Variants in UNKL observed in about 807,000 individuals in gnomAD.
UNKL encodes putative E3 ubiquitin-protein ligase UNKL.
UNKL carries 60 observed loss-of-function variants against 78.0 expected under a neutral mutation model. The observed-to-expected ratio is 0.77, with a 90% confidence interval of 0.63 to 0.95. The LOEUF is 0.95. UNKL is among the 40% of genes least tolerant of loss of function. The pLI, the probability that UNKL is intolerant of heterozygous loss-of-function variation, is 0.00. For synonymous variants in UNKL, 608 were observed against 474.8 expected, an observed-to-expected ratio of 1.28 and a Z score of -3.65; for missense variants, 1,159 against 1,045.7, an observed-to-expected ratio of 1.11 and a Z score of -1.49.
chr16:1,367,122 C>T lies in UNKL; in HGVS notation c.2016G>A (p.Gln672=), dbSNP rs2035337224. Residue 672 remains glutamine, a synonymous_variant, in exon 14 of 15, where the codon CAG becomes CAA. Transcript: ENST00000389221. ...PLPKLHSLQS[Q]LRLDLEAVDG... ...CCACCGCCTCCAGGTCCAGGCGCAG[C>T]TGACTCTGCAGCGAGTGCAGCTTCG... 6.3e-7 allele frequency: 1 copy of T among 1,588,756 alleles called. No individual in the cohort carries two copies.
intron 2 of UNKL, among the ~76,000 whole-genome samples, chr16:1,409,788 A>G (rs2037952605): frequency 1.3e-5 from 2 of 152,116 alleles, no homozygotes; most frequent in Admixed American, 6.6e-5. Flanking sequence ...CTCCGCAACA[A>G]AAACTTATGA....
intron 2 of UNKL, among the ~76,000 whole-genome samples, chr16:1,410,561 C>G (rs544628740): frequency 1.3e-4 from 19 of 149,992 alleles, no homozygotes; most frequent in African/African-American, 4.7e-4. Flanking sequence ...GAGCCGAGAT[C>G]ACGCCACTGC....
At chr16:1,389,198 A>T (rs1288735621) in intron 9 of UNKL, among the ~76,000 whole-genome samples, 1 of 152,080 alleles carries the variant, frequency 6.6e-6, no homozygotes, top group Non-Finnish European at 1.5e-5. Context: ...TTTGTTATGG[A>T]CCAAACGTGT....
chr16:1,385,138 C>G, intron 10 of UNKL, 70 bp downstream of exon 10: 1 of 1,133,528 alleles, frequency 8.8e-7, no homozygotes, highest in Non-Finnish European at 1.1e-6. Flanking sequence ...AATAGAAGCG[C>G]TGTCCCTGAA....
At chr16:1,401,314 A>G in intron 4 of UNKL, 1 of 400,614 alleles carries the variant, frequency 2.5e-6, no homozygotes, top group Non-Finnish European at 4.3e-6. Flanking sequence ...CACTTGGTCA[A>G]TGGCTGGCCC....
intron 10 of UNKL, among the ~76,000 whole-genome samples, chr16:1,378,374 A>G (rs759269214): frequency 6.6e-5 from 10 of 152,236 alleles, no homozygotes; most frequent in Non-Finnish European, 1.0e-4. Context: ...TCCCAGGATC[A>G]GGATATGGCA....
intron 11 of UNKL, 25 bp downstream of exon 11, chr16:1,371,494 G>A (rs2035836234): frequency 1.3e-6 from 2 of 1,534,594 alleles, no homozygotes; most frequent in Non-Finnish European, 1.7e-6. Context: ...GGAGGAGCAG[G>A]GCCCCAGGTC....
intron 2 of UNKL, among the ~76,000 whole-genome samples, chr16:1,411,145 G>GT (rs1234521910): frequency 6.6e-6 from 1 of 152,078 alleles, no homozygotes; most frequent in African/African-American, 2.4e-5. Flanking sequence ...GGGTCCAGGA[G>GT]TTTGAGACTG....
At chr16:1,401,220 A>C (rs1264184472) in intron 4 of UNKL, 3 of 204,416 alleles carry the variant, frequency 1.5e-5, no homozygotes, top group African/African-American at 6.9e-5. Context: ...TCTGCTGAGC[A>C]TCCTGGTGGG....
intron 5 of UNKL, chr16:1,398,700 A>G: frequency 5.9e-6 from 2 of 339,544 alleles, no homozygotes; most frequent in Non-Finnish European, 6.9e-6. Flanking sequence ...CCCCCCTCTC[A>G]GGTGCAAACT....
At chr16:1,408,142 C>G (rs917825855) in intron 2 of UNKL, among the ~76,000 whole-genome samples, 1 of 152,176 alleles carries the variant, frequency 6.6e-6, no homozygotes, top group African/African-American at 2.4e-5. Flanking sequence ...CTGGAGAGGC[C>G]CGGGGTCCCG....
intron 10 of UNKL, among the ~76,000 whole-genome samples, chr16:1,374,460 T>C (rs1038331158): frequency 6.6e-5 from 10 of 152,020 alleles, no homozygotes; most frequent in Non-Finnish European, 1.5e-5. Context: ...GGACCGATGG[T>C]CCCTCCATGG....
intron 9 of UNKL, 133 bp downstream of exon 9, chr16:1,390,499 A>AGCG (rs2037002476): frequency 1.1e-6 from 1 of 906,246 alleles, no homozygotes; most frequent in African/African-American, 1.7e-5. Context: ...TGGCTTTGCG[A>AGCG]GCCGAGAGTG....
chr16:1,379,657 G>A, intron 10 of UNKL: 3 of 984,368 alleles, frequency 3.0e-6, no homozygotes, highest in Non-Finnish European at 3.6e-6. Context: ...GTCCGCGGCC[G>A]CCCCGCGCCG....
rs1306910219 is a variant in UNKL at position 1,363,699 on chromosome 16, A to G, written c.*2541T>C. The G allele has an allele frequency of 5.9e-6, 1 of 168,598 alleles. No individual in the cohort carries two copies. The highest frequency in any genetic ancestry group is 1.3e-5 in the Non-Finnish European group (1 of 77,486). 10.4% of individuals were successfully genotyped at this position (168,598 alleles called of 1,614,324 possible). ...CCACCTAGGAGCCATCCCTGAGGCC[A>G]TGGCCACCAAGACAGGTGAGGGAGG... On this transcript the variant is annotated 3_prime_UTR_variant, in exon 15 of 15. Coordinates refer to ENST00000389221, the MANE Select transcript of UNKL (RefSeq NM_001372107.1).
intron 2 of UNKL, chr16:1,412,239 G>C (rs557081525): frequency 6.6e-6 from 1 of 152,170 alleles, no homozygotes; most frequent in Non-Finnish European, 1.5e-5. Flanking sequence ...AAAGACATCT[G>C]TTCATAACAC....
At chr16:1,395,825 T>C (rs760767783) in intron 6 of UNKL, 10 of 446,754 alleles carry the variant, frequency 2.2e-5, no homozygotes, top group African/African-American at 6.0e-5. Context: ...GGTGACACCA[T>C]TGAGTGTGTG....
rs2035129746 is a variant in UNKL at position 1,365,032 on chromosome 16, C to T, written c.*1208G>A. 6.7e-6 allele frequency: 1 copy of T among 149,358 alleles called. No homozygotes were observed. The highest frequency in any genetic ancestry group is 2.5e-5 in the African/African-American group (1 of 40,126). 9.3% of individuals were successfully genotyped at this position (149,358 alleles called of 1,614,324 possible). ...TTTTTGAGCCAGAGTCTCGCTCTGT[C>T]ACCCGGGCTGGAGTGCGGTGGCGCG... On this transcript the variant is annotated 3_prime_UTR_variant, in exon 15 of 15. Coordinates refer to ENST00000389221, the MANE Select transcript of UNKL (RefSeq NM_001372107.1).
chr16:1,384,424 T>A (rs1387982431), intron 10 of UNKL, among the ~76,000 whole-genome samples: 1 of 151,524 alleles, frequency 6.6e-6, no homozygotes. Context: ...CCCCCACGGG[T>A]CCCCACAGCC....
Sources: allele counts gnomAD v4.1 joint callset (sites outside exome capture counted in the v4.1 genomes callset), GRCh38; gene constraint gnomAD v4.1.1; transcripts MANE v1.5; gene names NCBI Gene and HGNC (gene_info 2026-07-23, HGNC 2026-07-21).